Variants in ARFGEF1 observed in about 807,000 individuals in gnomAD.
ARFGEF1 encodes ARF guanine nucleotide exchange factor 1.
A neutral mutation model predicts 231.0 loss-of-function variants in ARFGEF1; 42 were observed. That is an observed-to-expected ratio of 0.18 (90% CI 0.14 to 0.24). The LOEUF (loss-of-function observed/expected upper bound fraction) is 0.24. Ranked by LOEUF, ARFGEF1 falls within the 10% of genes least tolerant of loss-of-function variation. The pLI, the probability that ARFGEF1 is intolerant of heterozygous loss-of-function variation, is 1.00. For missense variants in ARFGEF1, 1,345 were observed against 2,192.0 expected (o/e 0.61, Z 7.72); for synonymous variants, 710 against 732.3 (o/e 0.97, Z 0.49).
In ARFGEF1 at chr8:67,285,518, G is replaced by C. The variant is rs12679656; in HGVS notation, c.1027+2437C>G. On this transcript the variant is annotated intron_variant, in intron 7 of 38. Transcript: ENST00000262215. ...GGTGACAGAGCAAGACCTTATCTTGGGGGGAAAACAAAAAAAAACACTGGG... is the reference window on the plus strand; with the variant it reads ...GGTGACAGAGCAAGACCTTATCTTGCGGGGAAAACAAAAAAAAACACTGGG... 1.6e-4 allele frequency among the ~76,000 whole-genome samples: 24 copies of C among 151,882 alleles called. No homozygotes were observed. In the East Asian group the frequency reaches 2.1e-3, roughly 13 times the overall value.
intron 19 of ARFGEF1, among the ~76,000 whole-genome samples, chr8:67,241,863 T>C (rs1839940330): frequency 6.6e-6 from 1 of 152,052 alleles, no homozygotes; most frequent in Admixed American, 6.6e-5. Context: ...CCGTCTCCCA[T>C]CAGCGGCCCT....
intron 1 of ARFGEF1, among the ~76,000 whole-genome samples, chr8:67,319,691 A>T (rs1264632755): frequency 6.6e-6 from 1 of 152,188 alleles, no homozygotes; most frequent in African/African-American, 2.4e-5. Context: ...ATAAAAGAAA[A>T]AATAAAATGG....
intron 5 of ARFGEF1, among the ~76,000 whole-genome samples, chr8:67,191,873 C>T (rs1376059087): frequency 6.6e-6 from 1 of 152,152 alleles, no homozygotes; most frequent in East Asian, 1.9e-4. Context: ...CCATCATCCA[C>T]TGAGGGTTGT....
rs1302637406 is a variant in ARFGEF1 at position 67,179,976 on chromosome 8, T to C, written c.561-4404A>G. On this transcript the variant is annotated intron_variant, in intron 5 of 5. Coordinates refer to the ARFGEF1 transcript ENST00000518789. Reference sequence around the variant, plus strand: ...CTATATTGTTTAAATATTAAACCTTTCTCCACACTTAAAAACCAGTACTGT... The same window carrying C: ...CTATATTGTTTAAATATTAAACCTTCCTCCACACTTAAAAACCAGTACTGT... 7.8e-6 allele frequency: 8 copies of C among 1,027,308 alleles called. No homozygotes were observed. The African/African-American group carries it at 1.3e-4, about 16-fold the overall frequency. 63.6% of individuals were successfully genotyped at this position (1,027,308 alleles called of 1,614,324 possible). A position where few individuals can be genotyped will look rare whatever the true frequency, so the allele number is the denominator to read the frequency against.
At chr8:67,283,662 A>C (rs1393259903) in intron 7 of ARFGEF1, among the ~76,000 whole-genome samples, 2 of 152,180 alleles carry the variant, frequency 1.3e-5, no homozygotes, top group Admixed American at 6.5e-5. Context: ...AAGGATAAAA[A>C]TCTGATGGAA....
At chr8:67,246,926 C>T (rs1037421525) in intron 19 of ARFGEF1, among the ~76,000 whole-genome samples, 1 of 150,036 alleles carries the variant, frequency 6.7e-6, no homozygotes, top group Non-Finnish European at 1.5e-5. Flanking sequence ...ACAACTGATA[C>T]CACAGAAATT....
intron 36 of ARFGEF1, 187 bp from the exon 37 acceptor site, chr8:67,201,792 G>C: frequency 1.5e-6 from 1 of 682,744 alleles, no homozygotes; most frequent in Non-Finnish European, 2.3e-6. Context: ...TCAAGCTGGG[G>C]ATATGAGATA....
At chr8:67,247,806 G>C (rs1268984302) in intron 19 of ARFGEF1, among the ~76,000 whole-genome samples, 5 of 150,396 alleles carry the variant, frequency 3.3e-5, no homozygotes, top group African/African-American at 1.2e-4. Flanking sequence ...CTTATATTTG[G>C]AAAAGCCTGA....
chr8:67,220,177 T>C (rs1162372295), intron 29 of ARFGEF1, among the ~76,000 whole-genome samples: 2 of 152,262 alleles, frequency 1.3e-5, no homozygotes, highest in Non-Finnish European at 2.9e-5. Context: ...TAGTATCAGA[T>C]GGACTAGCTT....
chr8:67,207,410 C>T (rs967967569), intron 34 of ARFGEF1, among the ~76,000 whole-genome samples: 5 of 152,136 alleles, frequency 3.3e-5, no homozygotes, highest in African/African-American at 1.2e-4. Context: ...ACAGGGATGC[C>T]AAGCCTCTTC....
intron 22 of ARFGEF1, 119 bp from the exon 23 acceptor site, chr8:67,233,064 G>A: frequency 1.2e-6 from 1 of 815,748 alleles, no homozygotes; most frequent in Non-Finnish European, 1.9e-6. Flanking sequence ...GAATGCTTCA[G>A]GTGAACAATT....
chr8:67,296,026 C>T (rs970404982), intron 5 of ARFGEF1, among the ~76,000 whole-genome samples: 1 of 152,002 alleles, frequency 6.6e-6, no homozygotes, highest in Non-Finnish European at 1.5e-5. Context: ...CTTTATCATA[C>T]AGGGGAAAAA....
chr8:67,267,296 A>G (rs1176845427), intron 11 of ARFGEF1, 47 bp downstream of exon 11: 1 of 1,585,836 alleles, frequency 6.3e-7, no homozygotes, highest in Admixed American at 1.8e-5. Context: ...GGCCTTTTAA[A>G]TATCTAATAA....
At chr8:67,227,091 CTT>C (rs375978872) in intron 27 of ARFGEF1, 44 bp downstream of exon 27, 88 of 1,137,752 alleles carry the variant, frequency 7.7e-5, no homozygotes, top group South Asian at 3.0e-4. Flanking sequence ...GTTAAGGTTG[CTT>C]TTTTTTTTTC....
At chr8:67,201,129 T>A (rs1001046489) in intron 37 of ARFGEF1, among the ~76,000 whole-genome samples, 2 of 152,206 alleles carry the variant, frequency 1.3e-5, no homozygotes, top group South Asian at 2.1e-4. Context: ...TCCAAATATT[T>A]TTTTCGAAGT....
intron 6 of ARFGEF1, among the ~76,000 whole-genome samples, chr8:67,291,593 T>TC (rs1366394720): frequency 1.3e-5 from 2 of 152,128 alleles, no homozygotes; most frequent in African/African-American, 4.8e-5. Flanking sequence ...TAGAAATATA[T>TC]CTGCGCTCCA....
At chr8:67,284,740 C>T (rs1187571121) in intron 7 of ARFGEF1, among the ~76,000 whole-genome samples, 1 of 152,150 alleles carries the variant, frequency 6.6e-6, no homozygotes, top group Non-Finnish European at 1.5e-5. Flanking sequence ...GTATGTTTCC[C>T]TCTCTATCCA....
intron 33 of ARFGEF1, 29 bp from the exon 34 acceptor site, chr8:67,211,644 G>C (rs146661733): frequency 7.5e-7 from 1 of 1,328,076 alleles, no homozygotes; most frequent in African/African-American, 1.5e-5. Context: ...ATCACTGTAA[G>C]TATGGTTAAT....
intron 1 of ARFGEF1, among the ~76,000 whole-genome samples, chr8:67,337,686 T>TC (rs1396849681): frequency 6.6e-6 from 1 of 151,940 alleles, no homozygotes; most frequent in Non-Finnish European, 1.5e-5. Flanking sequence ...AAAGACTAAA[T>TC]CCCCCACTTA....
Sources: allele counts gnomAD v4.1 joint callset (sites outside exome capture counted in the v4.1 genomes callset), GRCh38; gene constraint gnomAD v4.1.1; transcripts MANE v1.5; gene names NCBI Gene and HGNC (gene_info 2026-07-23, HGNC 2026-07-21).